The following PMPCB variants were observed in gnomAD, a reference collection of about 807,000 sequenced individuals.
PMPCB encodes the protein peptidase, mitochondrial processing subunit beta.
In PMPCB, 46 loss-of-function variants were observed where a neutral mutation model predicts 61.5. The ratio of observed to expected loss-of-function variants is 0.75; its 90% confidence interval spans 0.59 to 0.96. PMPCB has a LOEUF of 0.96. PMPCB is among the 40% of genes least tolerant of loss of function. The pLI, the probability that PMPCB is intolerant of heterozygous loss-of-function variation, is 0.00. For synonymous variants in PMPCB, 191 were observed against 201.6 expected (o/e 0.95, Z 0.44); for missense variants, 590 against 602.4 (o/e 0.98, Z 0.22).
intron 9 of PMPCB, chr7:103,311,395 C>T (rs142940292): frequency 1.9e-6 from 1 of 518,822 alleles, no homozygotes; most frequent in African/African-American, 1.9e-5. Context: ...ATGCTTATAG[C>T]ATTTCTGAAA....
At chr7:103,309,224 A>C in intron 8 of PMPCB, 129 bp downstream of exon 8, 1 of 683,152 alleles carries the variant, frequency 1.5e-6, no homozygotes, top group South Asian at 4.3e-5. Context: ...TTCTGACTTA[A>C]AAATATAAAC....
In PMPCB at chr7:103,311,798, C is replaced by T. The variant is rs1357418240; in HGVS notation, c.1241-10C>T. 2 of 1,609,198 alleles carry T rather than the reference C, an allele frequency of 1.2e-6. No homozygotes were observed. The highest frequency in any genetic ancestry group is 1.7e-5 in the Admixed American group (1 of 59,848). ...ATTCCAATAGTTAATTTTTCCTTCT[C>T]TTTAAACAGGTTCAACTCCAATTTG... On this transcript the variant is annotated splice_polypyrimidine_tract_variant and intron_variant, in intron 10 of 12. Transcript: ENST00000249269.
chr7:103,307,882 T>G (rs1817630957), intron 7 of PMPCB, among the ~76,000 whole-genome samples, 174 bp downstream of exon 7: 1 of 152,254 alleles, frequency 6.6e-6, no homozygotes, highest in Non-Finnish European at 1.5e-5. Flanking sequence ...TTTAACCACC[T>G]ATTTTTCTTC....
At chr7:103,306,209 A>G (rs1817571324) in intron 6 of PMPCB, among the ~76,000 whole-genome samples, 2 of 152,086 alleles carry the variant, frequency 1.3e-5, no homozygotes, top group South Asian at 4.1e-4. Flanking sequence ...TTTGTATCCT[A>G]GCTTCATTTA....
downstream of PMPCB, chr7:103,317,232 C>A (rs1818121187): frequency 1.2e-5 from 6 of 504,178 alleles, no homozygotes; most frequent in Non-Finnish European, 2.1e-5. Flanking sequence ...CACAGCCTGC[C>A]TGATTTTCCC....
At chr7:103,338,609 C>CT in the PMPCB span, among the ~76,000 whole-genome samples, 11 of 151,860 alleles carry the variant, frequency 7.2e-5, no homozygotes, top group Non-Finnish European at 1.0e-4. Flanking sequence ...AAGACCCTGT[C>CT]TTTAAAAAAA....
At chr7:103,319,713 C>T in intron 12 of PMPCB, 1 of 1,613,942 alleles carries the variant, frequency 6.2e-7, no homozygotes, top group Non-Finnish European at 8.5e-7. Flanking sequence ...AAACTTTATC[C>T]TAAGCTCAAG....
intron 12 of PMPCB, chr7:103,322,011 G>C: frequency 6.2e-7 from 1 of 1,613,490 alleles, no homozygotes; most frequent in Non-Finnish European, 8.5e-7. Flanking sequence ...TGCCAGCAAT[G>C]CTTGCTGTCT....
chr7:103,335,242 C>T, the PMPCB span: 5 of 152,118 alleles, frequency 3.3e-5, no homozygotes, highest in African/African-American at 4.8e-5. Flanking sequence ...TCAAATGGTA[C>T]CAGATTTACA....
the PMPCB span, among the ~76,000 whole-genome samples, chr7:103,338,264 T>C: frequency 7.2e-6 from 1 of 138,492 alleles, no homozygotes; most frequent in East Asian, 2.0e-4. Flanking sequence ...AGCAAGACCC[T>C]GTCTTTTTTT....
chr7:103,325,248 A>C (rs1188287251), intron 12 of PMPCB, among the ~76,000 whole-genome samples: 1 of 152,212 alleles, frequency 6.6e-6, no homozygotes, highest in East Asian at 1.9e-4. Flanking sequence ...GTTTGAGACC[A>C]GTCTGGCCAA....
At chr7:103,318,160 A>G (rs1249356654), downstream of PMPCB, among the ~76,000 whole-genome samples, 1 of 146,416 alleles carries the variant, frequency 6.8e-6, no homozygotes, top group South Asian at 2.2e-4. Flanking sequence ...TCCCCATAAC[A>G]TTTTTTTTTT....
At chr7:103,328,698 C>T (rs1818838527) in intron 12 of PMPCB, among the ~76,000 whole-genome samples, 1 of 152,154 alleles carries the variant, frequency 6.6e-6, no homozygotes, top group African/African-American at 2.4e-5. Context: ...CTGCTTTCTT[C>T]AGCTTCACAT....
chr7:103,337,670 T>C, the PMPCB span: 1 of 1,294,246 alleles, frequency 7.7e-7, no homozygotes, highest in East Asian at 2.3e-5. Context: ...GTATATCTTT[T>C]AAAAAGCATA....
chr7:103,315,666 A>C, downstream of PMPCB: 2 of 714,860 alleles, frequency 2.8e-6, no homozygotes, highest in Non-Finnish European at 4.6e-6. Context: ...TAAACATTTT[A>C]TTTCCCTATC....
intron 6 of PMPCB, among the ~76,000 whole-genome samples, chr7:103,307,080 A>G (rs1183311730): frequency 6.6e-6 from 1 of 152,026 alleles, no homozygotes; most frequent in Non-Finnish European, 1.5e-5. Context: ...TTTTATTGAG[A>G]CAGAGTCTTG....
rs771111363 is a variant in PMPCB at position 103,311,675 on chromosome 7, A to C, written c.1187A>C (p.Glu396Ala). ...MRLCTSVTES[E>A]VARARNLLKT... is the part of the protein sequence containing the mutation. ...CTCTGTACAAGTGTCACAGAAAGTG[A>C]GGTTGCACGAGCCAGAAATCTTCTG... The change falls in exon 10 of 13, where the codon GAG (glutamate) becomes GCG (alanine). Residue 396 changes from glutamate to alanine, a missense_variant. Transcript: ENST00000249269. 1 of 1,614,054 alleles carries C rather than the reference A, an allele frequency of 6.2e-7. No homozygotes were observed. The highest frequency in any genetic ancestry group is 8.5e-7 in the Non-Finnish European group (1 of 1,179,940).
chr7:103,308,476 G>T (rs1162404186), intron 7 of PMPCB, among the ~76,000 whole-genome samples: 1 of 152,110 alleles, frequency 6.6e-6, no homozygotes, highest in Non-Finnish European at 1.5e-5. Flanking sequence ...ACAAAAATTA[G>T]CTGGGCGTGG....
At chr7:103,340,057 C>T in the PMPCB span, among the ~76,000 whole-genome samples, 2 of 152,170 alleles carry the variant, frequency 1.3e-5, no homozygotes, top group African/African-American at 2.4e-5. Context: ...AGGCTGGTCT[C>T]GAACTCCTGA....
Sources: allele counts gnomAD v4.1 joint callset (sites outside exome capture counted in the v4.1 genomes callset), GRCh38; gene constraint gnomAD v4.1.1; transcripts MANE v1.5; gene names NCBI Gene and HGNC (gene_info 2026-07-23, HGNC 2026-07-21).